ZDBF2: variants seen among roughly 807,000 people sequenced by gnomAD.
ZDBF2 encodes DBF4-type zinc finger-containing protein 2.
Under a neutral mutation model 9.4 loss-of-function variants are expected in ZDBF2, and 6 were observed. That is an observed-to-expected ratio of 0.64 (90% CI 0.35 to 1.27). The LOEUF (loss-of-function observed/expected upper bound fraction) is 1.27, where lower values mean the gene tolerates loss of function less well. ZDBF2 is among the 50% of genes most tolerant of loss of function. ZDBF2 has a pLI of 0.03. For missense variants in ZDBF2, 2,697 were observed against 2,766.8 expected, an observed-to-expected ratio of 0.97 and a Z score of 0.57; for synonymous variants, 905 against 946.3, an observed-to-expected ratio of 0.96 and a Z score of 0.80.
chr2:206,311,024 A>T lies in ZDBF2; in HGVS notation c.6496A>T (p.Lys2166Ter). 1 of 1,610,454 alleles carries T rather than the reference A, an allele frequency of 6.2e-7. No individual in the cohort carries two copies. Among genetic ancestry groups the T allele is most frequent in the Non-Finnish European group, 8.5e-7 (1 of 1,179,114 alleles). ...VKISPKSVRN[K>*]LLESQSKKKI... is the part of the protein sequence containing the mutation. ...AATCTCTCCAAAATCAGTTAGAAAT[A>T]AGCTTTTGGAAAGTCAAAGTAAAAA... The change falls in exon 5 of 5, where the codon AAG (lysine) becomes TAG (stop). Residue 2166 changes from lysine to a stop codon, truncating the protein, a stop_gained. Transcript: ENST00000374423. LOFTEE classifies it low-confidence loss of function (END_TRUNC).
In ZDBF2 at chr2:206,310,434, A is replaced by G. The variant is rs1470600085; in HGVS notation, c.5906A>G (p.Lys1969Arg). Residue 1969 changes from lysine (K) to arginine (R), a missense_variant, in exon 5 of 5, where the codon AAA becomes AGA. This residue lies in a region of ZDBF2 where 1,783 missense variants were observed against 1,776.5 expected (regional missense o/e 1.00). Transcript: ENST00000374423. Reference protein sequence around the residue: ...KIIRQEEDPPKSKCSRLQDDR... With the variant: ...KIIRQEEDPPRSKCSRLQDDR... ...ATTAGACAAGAGGAAGACCCACCAA[A>G]AAGTAAGTGTTCACGTTTACAGGAT... The G allele has an allele frequency of 6.2e-7, 1 of 1,614,022 alleles. No homozygotes were observed. The highest frequency in any genetic ancestry group is 1.1e-5 in the South Asian group (1 of 91,082).
chr2:206,309,713 C>G lies in ZDBF2; in HGVS notation c.5185C>G (p.Arg1729Gly). The change falls in exon 5 of 5, where the codon CGT becomes GGT. Residue 1729 changes from arginine to glycine, a missense_variant. Physicochemically the swap from Arg to Gly is moderately radical, Grantham distance 125. Transcript: ENST00000374423. ...CCATCGAAGGGCTGATAAAAAAAAA[C>G]GTTCGAAGCTAAAACATAGAGATCT... ...ALHRRADKKK[R>G]SKLKHRDLEV... 1.2e-6 allele frequency: 2 copies of G among 1,613,646 alleles called. No homozygotes were observed. The highest frequency in any genetic ancestry group is 1.7e-6 in the Non-Finnish European group (2 of 1,179,806).
Position 206,309,561 on chromosome 2 carries a change from A to G in ZDBF2, c.5033A>G (p.His1678Arg). ...NLEDTSHRTT[H>R]RLQKAHKEAS... ...GAAGACACTTCTCATCGAACGACTC[A>G]CCGACTGCAGAAAGCTCACAAAGAA... Residue 1678 changes from histidine to arginine, a missense_variant, in exon 5 of 5, where the codon CAC (histidine) becomes CGC (arginine). Physicochemically the swap from His to Arg is conservative, Grantham distance 29. Around this residue, in one of 3 missense-constraint regions of ZDBF2, gnomAD observed 1,783 missense variants for 1,776.5 expected, o/e 1.00. Transcript: ENST00000374423. The G allele has an allele frequency of 6.2e-7, 1 of 1,614,012 alleles. No individual in the cohort carries two copies. The highest frequency in any genetic ancestry group is 8.5e-7 in the Non-Finnish European group (1 of 1,179,898).
intron 3 of ZDBF2, among the ~76,000 whole-genome samples, chr2:206,285,885 C>T (rs186533586): frequency 3.1e-4 from 47 of 152,272 alleles, no homozygotes; most frequent in Non-Finnish European, 6.3e-4. Flanking sequence ...GTTTTCTCAG[C>T]TTCATTTATT....
intron 3 of ZDBF2, among the ~76,000 whole-genome samples, chr2:206,288,355 C>T (rs1691705561): frequency 6.6e-6 from 1 of 152,206 alleles, no homozygotes; most frequent in African/African-American, 2.4e-5. Flanking sequence ...TAACTGTGGG[C>T]ACTTCAGTGG....
rs202115935 is a variant in ZDBF2, at chr2:206,309,412, T to G, written c.4884T>G (p.Asn1628Lys). The change falls in exon 5 of 5, where the codon AAT (asparagine) becomes AAG (lysine). Residue 1628 changes from asparagine to lysine, a missense_variant. By Grantham distance (94) the Asn-to-Lys change is moderately conservative. Transcript: ENST00000374423. ...CTTGTGGTTCTGAAATGAATTTTAA[T>G]GTTGATGCCTCTGATCAGTCCATGA... The part of the protein sequence containing the change: ...CQSCGSEMNF[N>K]VDASDQSMTY... 2 of 1,613,904 alleles carry G rather than the reference T, an allele frequency of 1.2e-6. No homozygotes were observed. The highest frequency in any genetic ancestry group is 4.5e-5 in the East Asian group (2 of 44,890).
At chr2:206,297,441 C>A in intron 4 of ZDBF2, 68 bp downstream of exon 4, 2 of 1,345,182 alleles carry the variant, frequency 1.5e-6, no homozygotes, top group East Asian at 5.0e-5. Flanking sequence ...GTGTTCATGT[C>A]CCAATCAATA....
chr2:206,308,413 C>A lies in ZDBF2; in HGVS notation c.3885C>A (p.Ser1295=). ...TTGATTCTCATGAACCCCTTCAGTC[C>A]GTAACTAATAAAATTCCAGGGGCGA... The part of the protein sequence containing the change: ...INFDSHEPLQ[S]VTNKIPGANK... Residue 1295 remains serine (S), a synonymous_variant, in exon 5 of 5, where the codon TCC becomes TCA. Coordinates refer to ENST00000374423, the MANE Select transcript of ZDBF2 (RefSeq NM_020923.3). 1.2e-6 allele frequency: 2 copies of A among 1,613,146 alleles called. No individual in the cohort carries two copies. Among genetic ancestry groups the A allele is most frequent in the Middle Eastern group, 1.7e-4 (1 of 6,060 alleles).
At chr2:206,285,694 TC>T (rs1691563786) in intron 3 of ZDBF2, among the ~76,000 whole-genome samples, 1 of 152,208 alleles carries the variant, frequency 6.6e-6, no homozygotes, top group Non-Finnish European at 1.5e-5. Flanking sequence ...CCCTGTCCTT[TC>T]GAGGTCTTTT....
At chr2:206,285,799 T>A (rs553056329) in intron 3 of ZDBF2, among the ~76,000 whole-genome samples, 146 of 152,300 alleles carry the variant, frequency 9.6e-4, no homozygotes, top group Non-Finnish European at 1.8e-3. Context: ...TATATGTCTT[T>A]AATACATTTT....
chr2:206,295,628 A>C (rs55677225), intron 3 of ZDBF2, among the ~76,000 whole-genome samples: 66,722 of 151,562 alleles, frequency 0.44, 14,944 homozygotes, highest in Non-Finnish European at 0.5. Context: ...CCCACTGTAG[A>C]CTCCCAAAGT....
chr2:206,306,489 C>G lies in ZDBF2; in HGVS notation c.1961C>G (p.Ala654Gly), dbSNP rs766368146. The G allele has an allele frequency of 7.4e-6, 12 of 1,613,696 alleles. No homozygotes were observed. Among genetic ancestry groups the G allele is most frequent in the African/African-American group, 1.3e-5 (1 of 74,928 alleles). Reference sequence around the variant, plus strand: ...ATAAATCTTCTGAAGGAGAAGAATGCTGACCTTATGGATATGAACTGTGAA... The same window carrying G: ...ATAAATCTTCTGAAGGAGAAGAATGGTGACCTTATGGATATGAACTGTGAA... ...EKINLLKEKN[A>G]DLMDMNCESH... The change falls in exon 5 of 5, where the codon GCT (alanine) becomes GGT (glycine). Residue 654 changes from alanine to glycine, a missense_variant. Coordinates refer to ENST00000374423, the MANE Select transcript of ZDBF2 (RefSeq NM_020923.3).
chr2:206,306,190 A>G lies in ZDBF2; in HGVS notation c.1662A>G (p.Pro554=). ...FPLQSVVDRP[P]VAVTETKLRK... The stretch of plus-strand genomic sequence containing the variant: ...TGCAGTCAGTGGTTGACAGACCCCC[A>G]GTGGCTGTCACAGAAACAAAACTTC... The change falls in exon 5 of 5, where the codon CCA becomes CCG. Residue 554 remains proline (P), a synonymous_variant. Coordinates refer to ENST00000374423, the MANE Select transcript of ZDBF2 (RefSeq NM_020923.3). 6.2e-7 allele frequency: 1 copy of G among 1,613,674 alleles called. No homozygotes were observed. Among genetic ancestry groups the G allele is most frequent in the Non-Finnish European group, 8.5e-7 (1 of 1,179,786 alleles).
chr2:206,299,647 A>G (rs982969486), intron 4 of ZDBF2, among the ~76,000 whole-genome samples: 1 of 152,070 alleles, frequency 6.6e-6, no homozygotes, highest in Non-Finnish European at 1.5e-5. Context: ...AAAGATTTTA[A>G]AAAACCACAG....
In ZDBF2 at chr2:206,305,623, G is replaced by T. The variant is rs753568291; in HGVS notation, c.1095G>T (p.Lys365Asn). Residue 365 changes from lysine (K) to asparagine (N), a missense_variant, in exon 5 of 5, where the codon AAG (lysine) becomes AAT (asparagine). This residue lies in a region of ZDBF2 where 910 missense variants were observed against 973.6 expected (regional missense o/e 0.93). Transcript: ENST00000374423. The part of the protein sequence containing the change: ...EQKCSVSSEM[K>N]FDCISLQSAS... ...AGTGCTCAGTGAGTTCTGAAATGAA[G>T]TTTGATTGTATCTCTCTTCAGTCAG... The T allele has an allele frequency of 3.1e-6, 5 of 1,613,794 alleles. No homozygotes were observed. In the South Asian group the frequency reaches 5.5e-5, roughly 18 times the overall value.
At chr2:206,298,549 G>C (rs1692324519) in intron 4 of ZDBF2, among the ~76,000 whole-genome samples, 1 of 152,126 alleles carries the variant, frequency 6.6e-6, no homozygotes, top group South Asian at 2.1e-4. Context: ...TTGAGACGGA[G>C]TCTTGCTGTG....
In ZDBF2 at chr2:206,310,786, C is replaced by T; in HGVS notation, c.6258C>T (p.Ser2086=). The change falls in exon 5 of 5, where the codon AGC becomes AGT. Residue 2086 remains serine, a synonymous_variant. Coordinates refer to ENST00000374423, the MANE Select transcript of ZDBF2 (RefSeq NM_020923.3). ...RNWVKIHFNR[S]NQNSSAGDND... is the part of the protein sequence containing the mutation. Reference sequence around the variant, plus strand: ...GGGTTAAAATTCATTTTAATAGGAGCAACCAAAACTCCAGTGCAGGAGATA... The same window carrying T: ...GGGTTAAAATTCATTTTAATAGGAGTAACCAAAACTCCAGTGCAGGAGATA... The T allele has an allele frequency of 6.2e-7, 1 of 1,613,964 alleles. No individual in the cohort carries two copies. Among genetic ancestry groups the T allele is most frequent in the Non-Finnish European group, 8.5e-7 (1 of 1,179,894 alleles).
rs1339078938 is a variant in ZDBF2, at chr2:206,308,421, A to G, written c.3893A>G (p.Asn1298Ser). 3.1e-6 allele frequency: 5 copies of G among 1,613,318 alleles called. No homozygotes were observed. Among genetic ancestry groups the G allele is most frequent in the East Asian group, 4.5e-5 (2 of 44,878 alleles). ...DSHEPLQSVT[N>S]KIPGANKEIN... ...CATGAACCCCTTCAGTCCGTAACTA[A>G]TAAAATTCCAGGGGCGAATAAAGAA... The change falls in exon 5 of 5, where the codon AAT (asparagine) becomes AGT (serine). Residue 1298 changes from asparagine to serine, a missense_variant. This residue lies in a region of ZDBF2 where 1,783 missense variants were observed against 1,776.5 expected (regional missense o/e 1.00). Coordinates refer to ENST00000374423, the MANE Select transcript of ZDBF2 (RefSeq NM_020923.3).
At chr2:206,283,553 T>G (rs1387736411) in intron 3 of ZDBF2, among the ~76,000 whole-genome samples, 1 of 152,206 alleles carries the variant, frequency 6.6e-6, no homozygotes, top group Non-Finnish European at 1.5e-5. Flanking sequence ...TATTTTTAAT[T>G]GTGTTGTCTT....
Sources: allele counts gnomAD v4.1 joint callset (sites outside exome capture counted in the v4.1 genomes callset), GRCh38; gene constraint gnomAD v4.1.1; regional missense constraint gnomAD v4.1.1; transcripts MANE v1.5; gene names NCBI Gene and HGNC (gene_info 2026-07-23, HGNC 2026-07-21).